ROBO2: variants seen among roughly 807,000 people sequenced by gnomAD.
ROBO2 encodes roundabout homolog 2.
A neutral mutation model predicts 160.8 loss-of-function variants in ROBO2; 53 were observed. The observed-to-expected ratio is 0.33, with a 90% CI of 0.26 to 0.41. The LOEUF (loss-of-function observed/expected upper bound fraction) is 0.41. ROBO2 is among the 10% of genes least tolerant of loss of function. The pLI is 1.00. For synonymous variants in ROBO2, 664 were observed against 611.7 expected (o/e 1.09, Z -1.26); for missense variants, 1,577 against 1,722.4 (o/e 0.92, Z 1.49).
chr3:77,368,322 T>C (rs1050010580), intron 2 of ROBO2, among the ~76,000 whole-genome samples: 3 of 152,156 alleles, frequency 2.0e-5, no homozygotes, highest in Non-Finnish European at 4.4e-5. Context: ...AATTTATTAT[T>C]CATGAATATA....
chr3:77,555,617 T>G (rs2093087086), intron 8 of ROBO2, among the ~76,000 whole-genome samples: 1 of 151,958 alleles, frequency 6.6e-6, no homozygotes, highest in African/African-American at 2.4e-5. Flanking sequence ...ATTAGGAAAT[T>G]GTAATCAGCA....
chr3:76,478,297 C>T (rs951736483), intron 2 of ROBO2, among the ~76,000 whole-genome samples: 9 of 150,198 alleles, frequency 6.0e-5, no homozygotes, highest in South Asian at 2.1e-4. Flanking sequence ...TTTGTTCTTG[C>T]GATAGTTTAC....
intron 2 of ROBO2, among the ~76,000 whole-genome samples, chr3:76,118,549 CA>C (rs2070578620): frequency 1.3e-5 from 2 of 152,238 alleles, no homozygotes; most frequent in African/African-American, 4.8e-5. Context: ...ACATGAGAAG[CA>C]TAGTAAAAAC....
chr3:77,534,636 G>A (rs1385206779), intron 6 of ROBO2, among the ~76,000 whole-genome samples: 1 of 151,932 alleles, frequency 6.6e-6, no homozygotes, highest in Non-Finnish European at 1.5e-5. Flanking sequence ...GTCACTCAAG[G>A]GAATAGTACA....
At chr3:76,587,627 C>T (rs769788444) in intron 2 of ROBO2, among the ~76,000 whole-genome samples, 2 of 152,170 alleles carry the variant, frequency 1.3e-5, no homozygotes, top group Non-Finnish European at 2.9e-5. Context: ...CACCTGGTCC[C>T]TCCCACAACA....
At chr3:76,338,685 T>A (rs988199849) in intron 2 of ROBO2, among the ~76,000 whole-genome samples, 8 of 150,820 alleles carry the variant, frequency 5.3e-5, no homozygotes, top group African/African-American at 1.5e-4. Flanking sequence ...GCTTCTTTTT[T>A]AAAAATTATA....
chr3:76,254,133 C>T (rs1465245415), intron 2 of ROBO2, among the ~76,000 whole-genome samples: 1 of 151,934 alleles, frequency 6.6e-6, no homozygotes, highest in East Asian at 1.9e-4. Flanking sequence ...ATCTCTTTGG[C>T]TTTTTACTTT....
At chr3:75,987,181 T>A (rs2107486541) in intron 2 of ROBO2, among the ~76,000 whole-genome samples, 1 of 152,028 alleles carries the variant, frequency 6.6e-6, no homozygotes, top group South Asian at 2.1e-4. Context: ...AAATATTAAG[T>A]CTTCCAACAC....
At chr3:75,929,172 CGTGTGTGTGTGTGTGTGTGTGTGTGTGT>C (rs35861088) in intron 1 of ROBO2, among the ~76,000 whole-genome samples, 2 of 113,602 alleles carry the variant, frequency 1.8e-5, no homozygotes, top group Non-Finnish European at 3.4e-5. Context: ...CTGGATAAGA[CGTGTGTGTGTGTGTGTGTGTGTGTGTGT>C]GTGTGTGTGT....
At chr3:76,447,884 G>A (rs1262757746) in intron 2 of ROBO2, among the ~76,000 whole-genome samples, 1 of 114,344 alleles carries the variant, frequency 8.7e-6, no homozygotes, top group Non-Finnish European at 1.7e-5. Context: ...ACACAGCGGG[G>A]CCTGTTGTGG....
chr3:77,484,880 G>C (rs369700569), intron 4 of ROBO2, among the ~76,000 whole-genome samples: 1 of 151,774 alleles, frequency 6.6e-6, no homozygotes, highest in Non-Finnish European at 1.5e-5. Context: ...TACTATTTTT[G>C]TTCTTCTTTG....
intron 2 of ROBO2, among the ~76,000 whole-genome samples, chr3:76,264,486 G>T (rs1012761613): frequency 6.6e-6 from 1 of 151,870 alleles, no homozygotes; most frequent in African/African-American, 2.4e-5. Context: ...TATGTCTCTC[G>T]CTTTCTTAAA....
chr3:76,765,302 G>A (rs114324055), intron 2 of ROBO2, among the ~76,000 whole-genome samples: 2 of 151,642 alleles, frequency 1.3e-5, no homozygotes, highest in Admixed American at 1.3e-4. Flanking sequence ...TGGTTGTCAA[G>A]GAAAACATGG....
At chr3:76,864,934 A>G (rs2071205084) in intron 2 of ROBO2, among the ~76,000 whole-genome samples, 1 of 152,092 alleles carries the variant, frequency 6.6e-6, no homozygotes, top group African/African-American at 2.4e-5. Flanking sequence ...GTCAAGACAA[A>G]TTTTAACAAT....
At chr3:77,639,745 G>A (rs536805208) in intron 24 of ROBO2, among the ~76,000 whole-genome samples, 1 of 152,060 alleles carries the variant, frequency 6.6e-6, no homozygotes, top group Non-Finnish European at 1.5e-5. Context: ...ACCACTGGAC[G>A]GGGTGTGTAT....
chr3:76,287,694 CTA>C (rs1398078370), intron 2 of ROBO2, among the ~76,000 whole-genome samples: 4 of 152,194 alleles, frequency 2.6e-5, no homozygotes, highest in African/African-American at 4.8e-5. Flanking sequence ...GCCACACTGT[CTA>C]TGTTAGAATT....
chr3:76,151,946 C>A (rs1379415688), intron 2 of ROBO2, among the ~76,000 whole-genome samples: 1 of 152,144 alleles, frequency 6.6e-6, no homozygotes, highest in Non-Finnish European at 1.5e-5. Flanking sequence ...TAAACATTAT[C>A]AAACGTCTCA....
chr3:76,956,741 T>A (rs999893641), intron 2 of ROBO2, among the ~76,000 whole-genome samples: 2 of 151,942 alleles, frequency 1.3e-5, no homozygotes, highest in Non-Finnish European at 2.9e-5. Context: ...CAAACTTGCC[T>A]CATAAATATC....
chr3:77,093,750 T>C (rs1429951173), intron 1 of ROBO2, among the ~76,000 whole-genome samples: 1 of 152,218 alleles, frequency 6.6e-6, no homozygotes, highest in African/African-American at 2.4e-5. Context: ...TGTCTATCTT[T>C]CTAATCTATC....
Sources: allele counts gnomAD v4.1 joint callset (sites outside exome capture counted in the v4.1 genomes callset), GRCh38; gene constraint gnomAD v4.1.1; transcripts MANE v1.5; gene names NCBI Gene and HGNC (gene_info 2026-07-23, HGNC 2026-07-21).